Variants in SMCHD1 observed in about 807,000 individuals in gnomAD.
The protein encoded by SMCHD1 is structural maintenance of chromosomes flexible hinge domain containing 1.
SMCHD1 carries 78 observed loss-of-function variants against 254.7 expected under a neutral mutation model. The ratio of observed to expected loss-of-function variants is 0.31; its 90% CI spans 0.26 to 0.37. The LOEUF is 0.37. Among genes scored for constraint, SMCHD1 ranks in the 10% least tolerant of loss-of-function variants. The probability of loss-of-function intolerance (pLI) is 1.00; values close to 1 mark genes in which losing one functional copy is unlikely to be tolerated. For synonymous variants in SMCHD1, 766 were observed against 794.9 expected (o/e 0.96, Z 0.61); for missense variants, 1,840 against 2,408.1 (o/e 0.76, Z 4.94).
chr18:2,698,251 CTCT>C lies in SMCHD1; in HGVS notation c.1342+215_1342+217del, dbSNP rs138036586. ...TCTAGATGAATAAATCTTTAATGAACTCTTCTTTTAGTTCTGTTACGAAACCAA... is the reference window on the plus strand; with the variant it reads ...TCTAGATGAATAAATCTTTAATGAACTCTTTTAGTTCTGTTACGAAACCAA... On this transcript the variant is annotated intron_variant, in intron 10 of 47. Transcript: ENST00000320876. Among the ~76,000 whole-genome samples, 513 of 152,210 alleles carry C rather than the reference CTCT, an allele frequency of 3.4e-3. 6 individuals are homozygous for C. The highest frequency in any genetic ancestry group is 0.011 in the African/African-American group (466 of 41,518).
At chr18:2,774,003 A>G (rs143550080) in intron 41 of SMCHD1, among the ~76,000 whole-genome samples, 500 of 152,284 alleles carry the variant, frequency 3.3e-3, no homozygotes, top group South Asian at 0.016. Context: ...AAACTTCAAA[A>G]TGTATTTATT....
At chr18:2,732,545 T>C (rs2075163254) in intron 25 of SMCHD1, 53 bp downstream of exon 25, 1 of 1,214,186 alleles carries the variant, frequency 8.2e-7, no homozygotes, top group Non-Finnish European at 1.2e-6. Context: ...AATTTTATGT[T>C]TGTAAGACTG....
chr18:2,689,308 C>T (rs1047283153), intron 7 of SMCHD1, among the ~76,000 whole-genome samples: 10 of 149,570 alleles, frequency 6.7e-5, no homozygotes, highest in African/African-American at 2.2e-4. Flanking sequence ...ACCTCCACCT[C>T]CCAGGTTCAA....
chr18:2,700,424 G>A, intron 10 of SMCHD1, 115 bp from the exon 11 acceptor site: 7 of 1,131,922 alleles, frequency 6.2e-6, no homozygotes, highest in Non-Finnish European at 4.9e-6. Flanking sequence ...TGGGCAAACA[G>A]TATAAAACTA....
At chr18:2,697,253 T>C in intron 9 of SMCHD1, 131 bp downstream of exon 9, 2 of 511,980 alleles carry the variant, frequency 3.9e-6, no homozygotes, top group Non-Finnish European at 7.0e-6. Context: ...CAAACTACTT[T>C]CATTGTTTGA....
Position 2,718,961 on chromosome 18 carries a change from G to A in SMCHD1, c.2458+527G>A, listed in dbSNP as rs2074863087. Among the ~76,000 whole-genome samples the A allele has an allele frequency of 6.6e-6, 1 of 152,010 alleles. No individual in the cohort carries two copies. The highest frequency in any genetic ancestry group is 1.5e-5 in the Non-Finnish European group (1 of 67,990). On this transcript the variant is annotated intron_variant, in intron 19 of 47. Coordinates refer to ENST00000320876, the MANE Select transcript of SMCHD1 (RefSeq NM_015295.3). The surrounding 1 kb of genome is among the most constrained non-coding windows in gnomAD (Gnocchi z 4.6). Reference sequence around the variant, plus strand: ...ATTGTTGCTGGTAAAGTCTAAAGCTGTCCTGATTCCTGACCCTGGGCATAT... The same window carrying A: ...ATTGTTGCTGGTAAAGTCTAAAGCTATCCTGATTCCTGACCCTGGGCATAT...
intron 17 of SMCHD1, among the ~76,000 whole-genome samples, chr18:2,708,915 T>TATATATATATATATATAAC (rs1568199419): frequency 5.5e-5 from 5 of 90,466 alleles, no homozygotes; most frequent in Admixed American, 1.2e-4. Flanking sequence ...TATAACATAT[T>TATATATATATATATATAAC]AACATGAAAT....
At chr18:2,793,573 G>A (rs1456076461) in intron 45 of SMCHD1, among the ~76,000 whole-genome samples, 3 of 151,094 alleles carry the variant, frequency 2.0e-5, no homozygotes, top group Non-Finnish European at 4.4e-5. Context: ...GCTGAGGCAG[G>A]AGAATGGCGT....
At chr18:2,661,765 A>G (rs1038692400) in intron 1 of SMCHD1, among the ~76,000 whole-genome samples, 15 of 152,238 alleles carry the variant, frequency 9.9e-5, no homozygotes, top group Non-Finnish European at 1.6e-4. Flanking sequence ...AGATAATTTG[A>G]CAGCTAGGAA....
rs183172437 is a variant in SMCHD1, at chr18:2,770,170, C to T, written c.4966+62C>T. On this transcript the variant is annotated intron_variant, in intron 39 of 47. Coordinates refer to ENST00000320876, the MANE Select transcript of SMCHD1 (RefSeq NM_015295.3). Reference sequence around the variant, plus strand: ...TGGGGAATGATGAGGCAGGTGAGATCGTGATACACAAACAAGCTTCCACTT... The same window carrying T: ...TGGGGAATGATGAGGCAGGTGAGATTGTGATACACAAACAAGCTTCCACTT... 1.8e-4 allele frequency: 269 copies of T among 1,509,308 alleles called. No homozygotes were observed. In the African/African-American group the frequency reaches 3.3e-3, roughly 18 times the overall value. 93.5% of individuals were successfully genotyped at this position (1,509,308 alleles called of 1,614,324 possible). A position where few individuals can be genotyped will look rare whatever the true frequency, so the allele number is the denominator to read the frequency against.
At chr18:2,662,014 C>CCGGGCGGGGTGG (rs2073276447) in intron 1 of SMCHD1, among the ~76,000 whole-genome samples, 1 of 139,086 alleles carries the variant, frequency 7.2e-6, no homozygotes, top group African/African-American at 3.2e-5. Flanking sequence ...AAAAAATTAG[C>CCGGGCGGGGTGG]CGGGCGCGGT....
At chr18:2,704,012 C>A in intron 13 of SMCHD1, 126 bp downstream of exon 13, 1 of 657,126 alleles carries the variant, frequency 1.5e-6, no homozygotes, top group South Asian at 3.3e-5. Context: ...TCTCACATTT[C>A]ATGAAGAACA....
At chr18:2,658,081 C>T (rs558709772) in intron 1 of SMCHD1, among the ~76,000 whole-genome samples, 2 of 152,276 alleles carry the variant, frequency 1.3e-5, no homozygotes, top group East Asian at 3.9e-4. Context: ...GCCACTGCAC[C>T]CAGTGGAAAA....
intron 34 of SMCHD1, among the ~76,000 whole-genome samples, chr18:2,753,597 G>A (rs539161338): frequency 6.6e-6 from 1 of 152,158 alleles, no homozygotes; most frequent in African/African-American, 2.4e-5. Context: ...AGAGTGCAAT[G>A]CCTAGAGTGC....
At chr18:2,706,501 A>T (rs768677221) in intron 15 of SMCHD1, 31 bp downstream of exon 15, 43 of 1,454,010 alleles carry the variant, frequency 3.0e-5, no homozygotes, top group Non-Finnish European at 3.8e-5. Context: ...CATGACAAAA[A>T]TAAGAAAAAT....
chr18:2,665,122 A>G (rs2073399177), intron 1 of SMCHD1, among the ~76,000 whole-genome samples: 1 of 152,206 alleles, frequency 6.6e-6, no homozygotes, highest in African/African-American at 2.4e-5. Flanking sequence ...GTTTCATTTT[A>G]GACAGAGCAT....
Position 2,697,816 on chromosome 18 carries a change from T to A in SMCHD1, c.1132-15T>A. The stretch of plus-strand genomic sequence containing the variant: ...ACCATAGAATTTAATTATTTTTGTT[T>A]CCTTTTTATTTTAGATTTCTATGTT... On this transcript the variant is annotated splice_polypyrimidine_tract_variant and intron_variant, in intron 9 of 47. Transcript: ENST00000320876. 1 of 1,533,058 alleles carries A rather than the reference T, an allele frequency of 6.5e-7. No individual in the cohort carries two copies. Among genetic ancestry groups the A allele is most frequent in the African/African-American group, 1.4e-5 (1 of 73,032 alleles). The allele number at this position is 1,533,058 out of a possible 1,614,324, so 95.0% of individuals were successfully genotyped here. A position where few individuals can be genotyped will look rare whatever the true frequency, so the allele number is the denominator to read the frequency against.
At chr18:2,684,121 T>A (rs897310134) in intron 5 of SMCHD1, among the ~76,000 whole-genome samples, 3 of 152,158 alleles carry the variant, frequency 2.0e-5, no homozygotes, top group Non-Finnish European at 4.4e-5. Context: ...TCAGCAAGAC[T>A]ATCTTTGGAG....
chr18:2,675,262 CTTTT>C (rs35137947), intron 5 of SMCHD1, among the ~76,000 whole-genome samples: 2 of 129,674 alleles, frequency 1.5e-5, no homozygotes, highest in African/African-American at 3.1e-5. Context: ...TGACCTCAGC[CTTTT>C]TTTTTTTTTT....
Sources: gnomAD v4.1 joint callset for allele counts (sites outside exome capture counted in the v4.1 genomes callset) on GRCh38, gnomAD v4.1.1 for gene constraint, Gnocchi (gnomAD v3.1) non-coding constraint, MANE v1.5 for transcripts, NCBI Gene and HGNC (gene_info 2026-07-23, HGNC 2026-07-21) for gene names.